Variants in BHMT2 observed in about 807,000 individuals in gnomAD.
BHMT2 encodes betaine--homocysteine S-methyltransferase 2.
BHMT2 carries 28 observed loss-of-function variants against 39.0 expected under a neutral mutation model. That is an observed-to-expected ratio of 0.72 (90% CI 0.53 to 0.98). The LOEUF is 0.98. Ranked by LOEUF, BHMT2 falls within the 50% of genes least tolerant of loss-of-function variation. BHMT2 has a pLI of 0.00. For synonymous variants in BHMT2, 145 were observed against 160.6 expected, an observed-to-expected ratio of 0.90 and a Z score of 0.74; for missense variants, 410 against 455.6, an observed-to-expected ratio of 0.90 and a Z score of 0.91.
At chr5:79,081,139 A>T (rs951672801) in intron 4 of BHMT2, among the ~76,000 whole-genome samples, 3 of 152,138 alleles carry the variant, frequency 2.0e-5, no homozygotes, top group Admixed American at 6.5e-5. Context: ...GCAGAAGCTG[A>T]CTTGGGGGAC....
At position 79,082,698 on chromosome 5, in the gene BHMT2, A is replaced by G. The variant is rs1055990569; in HGVS notation, c.451-111A>G. On this transcript the variant is annotated intron_variant, in intron 4 of 7. Coordinates refer to ENST00000255192, the MANE Select transcript of BHMT2 (RefSeq NM_017614.5). ...CATTCCTTAGCAAGTTTTATTATGC[A>G]TATGTTTATATTCTATTTGGTAATT... 1.5e-5 allele frequency: 19 copies of G among 1,284,370 alleles called. No individual in the cohort carries two copies. The Admixed American group carries it at 3.6e-4, about 24-fold the overall frequency. 79.6% of individuals were successfully genotyped at this position (1,284,370 alleles called of 1,614,324 possible).
In BHMT2 at chr5:79,083,194, G is replaced by T; in HGVS notation, c.601G>T (p.Ala201Ser). The change falls in exon 6 of 8, where the codon GCT (alanine) becomes TCT (serine). Residue 201 changes from alanine (A) to serine (S), a missense_variant and splice_region_variant. Physicochemically the swap from Ala to Ser is moderately conservative, Grantham distance 99. Transcript: ENST00000255192. ...ECAVRLVKAG[A>S]SIVGVNCRFG... is the part of the protein sequence containing the mutation. Reference sequence around the variant, plus strand: ...GTAAGTGTTATTTCTTTGCACAGGGGCTTCCATCGTTGGCGTGAACTGCCG... The same window carrying T: ...GTAAGTGTTATTTCTTTGCACAGGGTCTTCCATCGTTGGCGTGAACTGCCG... 1.2e-6 allele frequency: 2 copies of T among 1,613,986 alleles called. No homozygotes were observed. Among genetic ancestry groups the T allele is most frequent in the Non-Finnish European group, 1.7e-6 (2 of 1,180,012 alleles).
chr5:79,076,787 C>G (rs996571093), intron 1 of BHMT2, among the ~76,000 whole-genome samples: 5 of 152,196 alleles, frequency 3.3e-5, no homozygotes, highest in Admixed American at 1.3e-4. Context: ...CACTACCGTT[C>G]TGTTCAGTGG....
In BHMT2 at chr5:79,082,964, G is replaced by A. The variant is rs759998295; in HGVS notation, c.598+8G>A. On this transcript the variant is annotated splice_region_variant and intron_variant, in intron 5 of 7. Transcript: ENST00000255192. ...TGAGGCTGGTGAAGGCAGGTAATTT[G>A]GACCCATACCGTGATACACAGCTCA... 10 of 1,613,982 alleles carry A rather than the reference G, an allele frequency of 6.2e-6. No homozygotes were observed. In the South Asian group the frequency reaches 1.1e-4, roughly 18 times the overall value.
chr5:79,082,754 C>T, intron 4 of BHMT2, 55 bp from the exon 5 acceptor site: 1 of 1,589,990 alleles, frequency 6.3e-7, no homozygotes, highest in South Asian at 1.1e-5. Context: ...TTTACCTTTA[C>T]CATTCAAAAT....
intron 1 of BHMT2, among the ~76,000 whole-genome samples, chr5:79,071,956 C>G (rs62377948): frequency 0.19 from 28,074 of 151,652 alleles, 2,710 homozygotes; most frequent in South Asian, 0.23. Flanking sequence ...AGTTATTTTG[C>G]TAATGGCTAT....
chr5:79,070,007 C>A (rs1296237522), intron 1 of BHMT2, among the ~76,000 whole-genome samples, 192 bp downstream of exon 1: 1 of 152,210 alleles, frequency 6.6e-6, no homozygotes, highest in Non-Finnish European at 1.5e-5. Flanking sequence ...CGGTGCCTGG[C>A]GCTGCACAGA....
intron 1 of BHMT2, among the ~76,000 whole-genome samples, chr5:79,076,896 C>T (rs1744554569): frequency 1.3e-5 from 2 of 152,238 alleles, no homozygotes; most frequent in Admixed American, 6.5e-5. Flanking sequence ...AGAAATCTGC[C>T]TCATATGGCT....
At chr5:79,077,833 A>C in intron 2 of BHMT2, 1 of 405,902 alleles carries the variant, frequency 2.5e-6, no homozygotes, top group Non-Finnish European at 4.4e-6. Context: ...ACACCCACCC[A>C]TCCACACGCC....
rs760601949 is a variant in BHMT2, at chr5:79,080,987, T to A, written c.450+109T>A. 4.8e-6 allele frequency: 5 copies of A among 1,048,406 alleles called. No homozygotes were observed. The African/African-American group carries it at 6.7e-5, about 14-fold the overall frequency. The allele number at this position is 1,048,406 out of a possible 1,614,324, so 64.9% of individuals were successfully genotyped here. A position where few individuals can be genotyped will look rare whatever the true frequency, so the allele number is the denominator to read the frequency against. On this transcript the variant is annotated intron_variant, in intron 4 of 7. Transcript: ENST00000255192. The stretch of plus-strand genomic sequence containing the variant: ...CAACATTCTGCCCTCATTTCTTCCA[T>A]GTGGATGGTCAAAGGTTTATTTAAA...
Position 79,080,811 on chromosome 5 carries a change from T to C in BHMT2, c.383T>C (p.Ile128Thr), listed in dbSNP as rs1755773483. 6.2e-7 allele frequency: 1 copy of C among 1,605,186 alleles called. No individual in the cohort carries two copies. Among genetic ancestry groups the C allele is most frequent in the Admixed American group, 1.7e-5 (1 of 57,788 alleles). The stretch of plus-strand genomic sequence containing the variant: ...AAATACCAGAAGGATGAAGCTAGAA[T>C]TAAAAAACTTTTTCGACAACAGCTA... ...IYKYQKDEAR[I>T]KKLFRQQLEV... The change falls in exon 4 of 8, where the codon ATT becomes ACT. Residue 128 changes from isoleucine (I) to threonine (T), a missense_variant. Physicochemically the swap from Ile to Thr is moderately conservative, Grantham distance 89. Coordinates refer to ENST00000255192, the MANE Select transcript of BHMT2 (RefSeq NM_017614.5).
chr5:79,076,640 G>A (rs1755677792), intron 1 of BHMT2, among the ~76,000 whole-genome samples: 1 of 152,088 alleles, frequency 6.6e-6, no homozygotes, highest in African/African-American at 2.4e-5. Flanking sequence ...TCTTGGGCAA[G>A]TCAACCATTC....
intron 7 of BHMT2, among the ~76,000 whole-genome samples, chr5:79,087,012 G>GTATATATATA (rs1237997664): frequency 2.8e-4 from 30 of 108,132 alleles, no homozygotes; most frequent in African/African-American, 1.2e-3. Flanking sequence ...GTGTGTGTGT[G>GTATATATATA]TGTATATATA....
intron 7 of BHMT2, among the ~76,000 whole-genome samples, chr5:79,085,669 G>A (rs985429469): frequency 6.6e-6 from 1 of 152,064 alleles, no homozygotes; most frequent in African/African-American, 2.4e-5. Flanking sequence ...GCAATAGAGC[G>A]AAACTCCATT....
chr5:79,083,550 G>T, intron 6 of BHMT2, 78 bp from the exon 7 acceptor site: 1 of 1,540,502 alleles, frequency 6.5e-7, no homozygotes, highest in East Asian at 2.3e-5. Flanking sequence ...TTTTTTAATT[G>T]GAAAAACTGC....
intron 7 of BHMT2, among the ~76,000 whole-genome samples, chr5:79,085,244 T>C (rs1755870470): frequency 6.6e-6 from 1 of 152,358 alleles, no homozygotes; most frequent in African/African-American, 2.4e-5. Context: ...TGTCTCCCTC[T>C]ATCCCTTTAA....
At chr5:79,087,319 T>A (rs1755920848) in intron 7 of BHMT2, among the ~76,000 whole-genome samples, 1 of 151,932 alleles carries the variant, frequency 6.6e-6, no homozygotes, top group Non-Finnish European at 1.5e-5. Context: ...GTTTTGTATA[T>A]GTGTCATACT....
At position 79,080,773 on chromosome 5, in the gene BHMT2, G is replaced by C; in HGVS notation, c.345G>C (p.Gln115His). The change falls in exon 4 of 8, where the codon CAG (glutamine) becomes CAC (histidine). Residue 115 changes from glutamine (Q) to histidine (H), a missense_variant. Physicochemically the swap from Gln to His is conservative, Grantham distance 24. Coordinates refer to ENST00000255192, the MANE Select transcript of BHMT2 (RefSeq NM_017614.5). ...GDALVAGGIC[Q>H]TSIYKYQKDE... is the part of the protein sequence containing the mutation. ...CTTTGGTAGCAGGGGGGATCTGCCAGACATCAATATACAAATACCAGAAGG... is the reference window on the plus strand; with the variant it reads ...CTTTGGTAGCAGGGGGGATCTGCCACACATCAATATACAAATACCAGAAGG... The C allele has an allele frequency of 6.2e-7, 1 of 1,606,116 alleles. No homozygotes were observed. Among genetic ancestry groups the C allele is most frequent in the Non-Finnish European group, 8.5e-7 (1 of 1,177,504 alleles).
At chr5:79,078,197 C>T (rs1755714954) in intron 2 of BHMT2, 1 of 148,098 alleles carries the variant, frequency 6.8e-6, no homozygotes, top group Admixed American at 6.8e-5. Flanking sequence ...TAACAGAGCA[C>T]AGACAGCCAG....
Sources: allele counts gnomAD v4.1 joint callset (sites outside exome capture counted in the v4.1 genomes callset), GRCh38; gene constraint gnomAD v4.1.1; transcripts MANE v1.5; gene names NCBI Gene and HGNC (gene_info 2026-07-23, HGNC 2026-07-21).